GRID1: variants seen among roughly 807,000 people sequenced by gnomAD.
GRID1 encodes glutamate ionotropic receptor delta type subunit 1, also known as glutamate receptor ionotropic, delta-1.
In GRID1, 28 loss-of-function variants were observed where a neutral mutation model predicts 98.0. The observed-to-expected ratio is 0.29, with a 90% confidence interval of 0.21 to 0.39. The LOEUF (loss-of-function observed/expected upper bound fraction) is 0.39. Among genes scored for constraint, GRID1 ranks in the 10% least tolerant of loss-of-function variants. GRID1 has a pLI of 1.00. For missense variants in GRID1, 1,111 were observed against 1,340.5 expected, an observed-to-expected ratio of 0.83 and a Z score of 2.67; for synonymous variants, 553 against 538.5, an observed-to-expected ratio of 1.03 and a Z score of -0.37.
At position 85,789,987 on chromosome 10, in the gene GRID1, G is replaced by A. The variant is rs7071527; in HGVS notation, c.1234-60373C>T. Reference sequence around the variant, plus strand: ...CATCCACACCTGCTCTTCCATCTCCGGAGAGCCCTCTCCCTTTTCCTGACT... The same window carrying A: ...CATCCACACCTGCTCTTCCATCTCCAGAGAGCCCTCTCCCTTTTCCTGACT... On this transcript the variant is annotated intron_variant, in intron 8 of 15. Transcript: ENST00000327946. Among the ~76,000 whole-genome samples, 1,182 of 152,278 alleles carry A rather than the reference G, an allele frequency of 7.8e-3. 16 individuals are homozygous for A. The highest frequency in any genetic ancestry group is 0.026 in the African/African-American group (1,076 of 41,558).
chr10:86,280,919 A>G (rs1197584714), intron 2 of GRID1, among the ~76,000 whole-genome samples: 3 of 151,832 alleles, frequency 2.0e-5, no homozygotes, highest in Non-Finnish European at 4.4e-5. Flanking sequence ...ATCCTTCTCA[A>G]CCCTTACAGA....
At chr10:85,881,452 C>A (rs1282701279) in intron 5 of GRID1, among the ~76,000 whole-genome samples, 4 of 152,040 alleles carry the variant, frequency 2.6e-5, no homozygotes, top group Admixed American at 6.6e-5. Flanking sequence ...CAGAACAGAG[C>A]CCTCAGAAAT....
intron 12 of GRID1, among the ~76,000 whole-genome samples, chr10:85,660,621 C>G (rs926891806): frequency 1.3e-5 from 2 of 151,912 alleles, no homozygotes; most frequent in African/African-American, 4.8e-5. Flanking sequence ...ATGAGCAGAG[C>G]TGATCACGTA....
rs73351652 is a variant in GRID1, at chr10:86,246,202, G to A, written c.236-39554C>T. Among the ~76,000 whole-genome samples the A allele has an allele frequency of 9.7e-3, 1,470 of 152,310 alleles. 19 individuals carry two copies. The highest frequency in any genetic ancestry group is 0.033 in the African/African-American group (1,381 of 41,574). On this transcript the variant is annotated intron_variant, in intron 2 of 15. Transcript: ENST00000327946. Reference sequence around the variant, plus strand: ...GCCTTGACTTAGAGCCAGCCTGGAGGGCAAAGGATGCTCTCCCCTCAGCTG... The same window carrying A: ...GCCTTGACTTAGAGCCAGCCTGGAGAGCAAAGGATGCTCTCCCCTCAGCTG...
intron 3 of GRID1, 103 bp from the exon 4 acceptor site, chr10:86,139,127 C>G: frequency 1.3e-6 from 1 of 782,872 alleles, no homozygotes; most frequent in South Asian, 1.6e-5. Flanking sequence ...CAGGCCACCA[C>G]GAAAAATGAG....
intron 12 of GRID1, among the ~76,000 whole-genome samples, chr10:85,695,976 C>A (rs1231601113): frequency 6.6e-6 from 1 of 152,110 alleles, no homozygotes; most frequent in Non-Finnish European, 1.5e-5. Flanking sequence ...ATGTCTGACA[C>A]CAAGAAGGGA....
rs141981056 is a variant in GRID1, at chr10:85,824,844, C to A, written c.1233+29652G>T. On this transcript the variant is annotated intron_variant, in intron 8 of 15. Transcript: ENST00000327946. ...TTAACTTCACTTAGAATAATGTCAT[C>A]CAGATCCATTGAAGTTGCTGCAAAA... Among the ~76,000 whole-genome samples, 6 of 152,252 alleles carry A rather than the reference C, an allele frequency of 3.9e-5. No homozygotes were observed. The East Asian group carries it at 1.2e-3, about 29-fold the overall frequency.
intron 8 of GRID1, among the ~76,000 whole-genome samples, chr10:85,849,878 A>G (rs1843041425): frequency 6.6e-6 from 1 of 152,198 alleles, no homozygotes; most frequent in Non-Finnish European, 1.5e-5. Flanking sequence ...GTAGGGCCAG[A>G]GTAAAGCTTG....
intron 2 of GRID1, among the ~76,000 whole-genome samples, chr10:86,329,755 C>T (rs1848110964): frequency 1.3e-5 from 2 of 152,156 alleles, no homozygotes; most frequent in Non-Finnish European, 2.9e-5. Flanking sequence ...TACCCCTGCT[C>T]ATGCTCTGGA....
intron 8 of GRID1, among the ~76,000 whole-genome samples, chr10:85,743,107 C>G (rs937649496): frequency 2.1e-4 from 23 of 109,644 alleles, no homozygotes; most frequent in Non-Finnish European, 4.0e-4. Context: ...ATTATGCAGC[C>G]CCCCCCCCCA....
intron 3 of GRID1, among the ~76,000 whole-genome samples, chr10:86,172,509 T>C (rs918719608): frequency 1.3e-5 from 2 of 152,164 alleles, no homozygotes. Flanking sequence ...TAAGCCTCTA[T>C]AAACCTCCCT....
intron 12 of GRID1, among the ~76,000 whole-genome samples, chr10:85,709,523 A>T (rs892813445): frequency 9.2e-5 from 14 of 152,232 alleles, no homozygotes; most frequent in African/African-American, 3.1e-4. Context: ...GACCTATGTA[A>T]CATCTAAGCC....
chr10:86,199,600 C>T (rs1444896128), intron 3 of GRID1, among the ~76,000 whole-genome samples: 1 of 152,086 alleles, frequency 6.6e-6, no homozygotes, highest in African/African-American at 2.4e-5. Context: ...TGTGGGGTTG[C>T]CATTGGGATG....
At chr10:85,912,785 C>T (rs1462026415) in intron 5 of GRID1, among the ~76,000 whole-genome samples, 1 of 152,208 alleles carries the variant, frequency 6.6e-6, no homozygotes, top group Non-Finnish European at 1.5e-5. Flanking sequence ...CCAGTAAATG[C>T]CTGCCCCTGA....
At chr10:85,769,849 A>T (rs1261878309) in intron 8 of GRID1, among the ~76,000 whole-genome samples, 1 of 152,218 alleles carries the variant, frequency 6.6e-6, no homozygotes, top group African/African-American at 2.4e-5. Flanking sequence ...AGCCCACCAC[A>T]GCTCAAGGAG....
At chr10:86,035,306 T>C (rs1490769619) in intron 4 of GRID1, among the ~76,000 whole-genome samples, 1 of 152,240 alleles carries the variant, frequency 6.6e-6, no homozygotes, top group Non-Finnish European at 1.5e-5. Context: ...AATCTCTTCC[T>C]TAGTCGTGCT....
chr10:86,173,556 C>T (rs1054008956), intron 3 of GRID1, among the ~76,000 whole-genome samples: 1 of 146,304 alleles, frequency 6.8e-6, no homozygotes, highest in Non-Finnish European at 1.5e-5. Flanking sequence ...CTTTCCTCCT[C>T]AGTCTTCTTT....
intron 8 of GRID1, among the ~76,000 whole-genome samples, chr10:85,849,261 T>C (rs1843035519): frequency 6.6e-6 from 1 of 152,200 alleles, no homozygotes; most frequent in South Asian, 2.1e-4. Context: ...TGGGGTCCTA[T>C]GGCGTGGCAA....
chr10:86,282,936 G>A (rs1038201466), intron 2 of GRID1, among the ~76,000 whole-genome samples: 3 of 152,136 alleles, frequency 2.0e-5, no homozygotes, highest in African/African-American at 7.2e-5. Flanking sequence ...TCACAGTCAA[G>A]GCTAACCTCT....
Sources: gnomAD v4.1 joint callset for allele counts (sites outside exome capture counted in the v4.1 genomes callset) on GRCh38, gnomAD v4.1.1 for gene constraint, MANE v1.5 for transcripts, NCBI Gene and HGNC (gene_info 2026-07-23, HGNC 2026-07-21) for gene names.